Variants in CASP2 observed in about 807,000 individuals in gnomAD.
The protein encoded by CASP2 is caspase 2, also known as caspase-2.
CASP2 carries 38 observed loss-of-function variants against 54.4 expected under a neutral mutation model. The observed-to-expected ratio is 0.70, with a 90% CI of 0.54 to 0.92. The LOEUF is 0.92. Ranked by LOEUF, CASP2 falls within the 40% of genes least tolerant of loss-of-function variation. The probability of loss-of-function intolerance (pLI) is 0.00; values close to 1 mark genes in which losing one functional copy is unlikely to be tolerated. For missense variants in CASP2, 512 were observed against 579.6 expected (o/e 0.88, Z 1.20); for synonymous variants, 215 against 216.3 (o/e 0.99, Z 0.05).
At chr7:143,290,454 A>G (rs1801523342) in intron 1 of CASP2, among the ~76,000 whole-genome samples, 1 of 152,204 alleles carries the variant, frequency 6.6e-6, no homozygotes, top group African/African-American at 2.4e-5. Flanking sequence ...CACTGCTATC[A>G]GGTGCCACCC....
At position 143,294,286 on chromosome 7, in the gene CASP2, C is replaced by A. The variant is rs4647298; in HGVS notation, c.532C>A (p.Pro178Thr). 7 of 1,611,636 alleles carry A rather than the reference C, an allele frequency of 4.3e-6. No individual in the cohort carries two copies. Among genetic ancestry groups the A allele is most frequent in the Admixed American group, 1.7e-5 (1 of 60,004 alleles). Residue 178 changes from proline (P) to threonine (T), a missense_variant, in exon 5 of 11, where the codon CCT (proline) becomes ACT (threonine). Pro to Thr is a conservative substitution (Grantham distance 38, BLOSUM62 -1). Transcript: ENST00000310447. Reference protein sequence around the residue: ...KDGPVCLQVKPCTPEFYQTHF... With the variant: ...KDGPVCLQVKTCTPEFYQTHF... ...TGGTCCTGTCTGCCTTCAGGTGAAGCCTTGCACTCCTGAATTTTATCAAAC... is the reference window on the plus strand; with the variant it reads ...TGGTCCTGTCTGCCTTCAGGTGAAGACTTGCACTCCTGAATTTTATCAAAC...
In CASP2 at chr7:143,288,485, C is replaced by A. The variant is rs556888347; in HGVS notation, c.30C>A (p.Ser10=). 2.5e-6 allele frequency: 4 copies of A among 1,613,344 alleles called. No individual in the cohort carries two copies. The Admixed American group carries it at 5.0e-5, about 20-fold the overall frequency. The stretch of plus-strand genomic sequence containing the variant: ...CGGCGCCGAGCGCGGGGTCTTGGTC[C>A]ACCTTCCAGCACAAGGAGCTGATGG... MAAPSAGSW[S]TFQHKELMAA... is the part of the protein sequence containing the mutation. The change falls in exon 1 of 11, where the codon TCC becomes TCA. Residue 10 remains serine, a synonymous_variant. Coordinates refer to ENST00000310447, the MANE Select transcript of CASP2 (RefSeq NM_032982.4).
chr7:143,304,038 A>T, intron 9 of CASP2, 105 bp downstream of exon 9: 2 of 1,143,160 alleles, frequency 1.7e-6, no homozygotes, highest in Non-Finnish European at 2.6e-6. Flanking sequence ...AAGTGTTGGA[A>T]CCAGAAGTGT....
In CASP2 at chr7:143,291,541, A is replaced by C. The variant is rs1176875181; in HGVS notation, c.76A>C (p.Ile26Leu). The change falls in exon 2 of 11, where the codon ATA (isoleucine) becomes CTA (leucine). Residue 26 changes from isoleucine to leucine, a missense_variant and splice_region_variant. Ile to Leu is a conservative substitution (Grantham distance 5, BLOSUM62 2). Transcript: ENST00000310447. ...ELMAADRGRR[I>L]LGVCGMHPHH... Reference sequence around the variant, plus strand: ...TTTCCTTCTACCGTTTATCTGTAGGATATTGGGAGTGTGTGGCATGCATCC... The same window carrying C: ...TTTCCTTCTACCGTTTATCTGTAGGCTATTGGGAGTGTGTGGCATGCATCC... 9.3e-6 allele frequency: 15 copies of C among 1,613,760 alleles called. No homozygotes were observed. Among genetic ancestry groups the C allele is most frequent in the Non-Finnish European group, 1.3e-5 (15 of 1,179,972 alleles).
intron 8 of CASP2, chr7:143,302,685 A>G (rs191995930): frequency 1.3e-4 from 20 of 152,254 alleles, no homozygotes; most frequent in African/African-American, 4.1e-4. Context: ...TCGACATTGC[A>G]TGGATCAGGA....
In CASP2 at chr7:143,291,827, G is replaced by A. The variant is rs1801579877; in HGVS notation, c.225+137G>A. On this transcript the variant is annotated intron_variant, in intron 2 of 10. Transcript: ENST00000310447. ...AGACAGAGTCTCTGTCTCCCAGGCT[G>A]GAGTACAATGGCGCGATCTTGGCTC... is the stretch of plus-strand genomic sequence containing the variant. The A allele has an allele frequency of 5.9e-6, 4 of 681,314 alleles. No homozygotes were observed. In the East Asian group the frequency reaches 1.1e-4, roughly 19 times the overall value. 42.2% of individuals were successfully genotyped at this position (681,314 alleles called of 1,614,324 possible).
At chr7:143,299,818 A>G (rs1801861994) in intron 6 of CASP2, 105 bp from the exon 7 acceptor site, 1 of 1,264,898 alleles carries the variant, frequency 7.9e-7, no homozygotes, top group South Asian at 1.2e-5. Context: ...ATATACATAA[A>G]GCGTTTTATC....
intron 4 of CASP2, 110 bp downstream of exon 4, chr7:143,292,808 C>T: frequency 4.9e-6 from 4 of 812,774 alleles, no homozygotes; most frequent in Non-Finnish European, 4.3e-6. Context: ...GTCAGGAGTT[C>T]GAGACCAGCC....
intron 1 of CASP2, among the ~76,000 whole-genome samples, chr7:143,290,445 A>C (rs1801523023): frequency 6.6e-6 from 1 of 152,164 alleles, no homozygotes; most frequent in Non-Finnish European, 1.5e-5. Context: ...TTGTATTTTC[A>C]CTGCTATCAG....
chr7:143,307,255 C>A lies in CASP2; in HGVS notation c.*2184C>A, dbSNP rs1199136167. The A allele has an allele frequency of 8.5e-5, 13 of 152,204 alleles. No individual in the cohort carries two copies. The highest frequency in any genetic ancestry group is 8.5e-4 in the Admixed American group (13 of 15,282). The allele number at this position is 152,204 out of a possible 1,614,324, so 9.4% of individuals were successfully genotyped here. A position where few individuals can be genotyped will look rare whatever the true frequency, so the allele number is the denominator to read the frequency against. ...GCAGAAACCTTGTTTGTTTTATTCA[C>A]CATCATGTACCAAGTGCTTGGCACA... On this transcript the variant is annotated 3_prime_UTR_variant, in exon 11 of 11. Transcript: ENST00000310447.
Position 143,299,941 on chromosome 7 carries a change from C to A in CASP2, c.766C>A (p.Gln256Lys), listed in dbSNP as rs1160615623. Residue 256 changes from glutamine (Q) to lysine (K), a missense_variant, in exon 7 of 11, where the codon CAG becomes AAG. Physicochemically the swap from Gln to Lys is moderately conservative, Grantham distance 53. Transcript: ENST00000310447. The stretch of plus-strand genomic sequence containing the variant: ...CTTTTAGGAAATGCAAGAGAAACTG[C>A]AGAATTTTGCACAGTTACCTGCACA... Reference protein sequence around the residue: ...QTAQEMQEKLQNFAQLPAHRV... With the variant: ...QTAQEMQEKLKNFAQLPAHRV... The A allele has an allele frequency of 6.2e-7, 1 of 1,614,040 alleles. No homozygotes were observed. The highest frequency in any genetic ancestry group is 1.3e-5 in the African/African-American group (1 of 74,924).
intron 4 of CASP2, chr7:143,293,135 GT>G (rs368565808): frequency 2.4e-5 from 14 of 583,848 alleles, no homozygotes; most frequent in Non-Finnish European, 3.8e-5. Context: ...TTTTTGTTGT[GT>G]TTTTTTTCAG....
rs900691121 is a variant in CASP2, at chr7:143,295,283, C to T, written c.747+510C>T. ...CCTCAGGTGATCCGTCCCCCTCGGC[C>T]TCCCAAAGTGCTGGGATTATAGGCA... On this transcript the variant is annotated intron_variant, in intron 6 of 10. Coordinates refer to ENST00000310447, the MANE Select transcript of CASP2 (RefSeq NM_032982.4). Among the ~76,000 whole-genome samples the T allele has an allele frequency of 9.2e-5, 14 of 152,320 alleles. No homozygotes were observed. The East Asian group carries it at 2.3e-3, about 25-fold the overall frequency.
intron 6 of CASP2, among the ~76,000 whole-genome samples, chr7:143,295,171 G>A (rs1801706286): frequency 6.6e-6 from 1 of 152,136 alleles, no homozygotes; most frequent in Non-Finnish European, 1.5e-5. Context: ...GGAACTGCAG[G>A]CGCATGCAAC....
intron 9 of CASP2, 100 bp downstream of exon 9, chr7:143,304,033 T>C: frequency 8.5e-7 from 1 of 1,181,286 alleles, no homozygotes; most frequent in South Asian, 1.3e-5. Context: ...ATCTGAAGTG[T>C]TGGAACCAGA....
rs1184208605 is a variant in CASP2, at chr7:143,300,261, C to T, written c.934C>T (p.Pro312Ser). The T allele has an allele frequency of 1.2e-6, 2 of 1,614,028 alleles. No homozygotes were observed. The highest frequency in any genetic ancestry group is 1.3e-5 in the African/African-American group (1 of 74,936). Residue 312 changes from proline to serine, a missense_variant, in exon 8 of 11, where the codon CCA (proline) becomes TCA (serine). Around this residue, in one of 3 missense-constraint regions of CASP2, gnomAD observed 417 missense variants for 495.4 expected, o/e 0.84. Coordinates refer to ENST00000310447, the MANE Select transcript of CASP2 (RefSeq NM_032982.4). ...CAACTGCCCAAGCCTACAGAACAAACCAAAAATGTTCTTCATCCAGGCCTG... is the reference window on the plus strand; with the variant it reads ...CAACTGCCCAAGCCTACAGAACAAATCAAAAATGTTCTTCATCCAGGCCTG... The part of the protein sequence containing the change: ...NANCPSLQNK[P>S]KMFFIQACRG...
chr7:143,300,133 G>T (rs1801870490), intron 7 of CASP2, 71 bp from the exon 8 acceptor site: 1 of 1,611,764 alleles, frequency 6.2e-7, no homozygotes, highest in Non-Finnish European at 8.5e-7. Flanking sequence ...GATGGCTACT[G>T]TTGCATGTGT....
At chr7:143,291,819 C>G (rs1458052240) in intron 2 of CASP2, 129 bp downstream of exon 2, 1 of 721,396 alleles carries the variant, frequency 1.4e-6, no homozygotes, top group Non-Finnish European at 2.1e-6. Context: ...GTCTCTGTCT[C>G]CCAGGCTGGA....
intron 1 of CASP2, among the ~76,000 whole-genome samples, chr7:143,290,431 G>A (rs1801522763): frequency 6.6e-6 from 1 of 152,120 alleles, no homozygotes; most frequent in Non-Finnish European, 1.5e-5. Context: ...ATAAATGGAA[G>A]TTATTGTATT....
Sources: allele counts gnomAD v4.1 joint callset (sites outside exome capture counted in the v4.1 genomes callset), GRCh38; gene constraint gnomAD v4.1.1; regional missense constraint gnomAD v4.1.1; transcripts MANE v1.5; gene names NCBI Gene and HGNC (gene_info 2026-07-23, HGNC 2026-07-21).